The following SLC4A9 variants were observed in gnomAD, a reference collection of about 807,000 sequenced individuals.
SLC4A9 encodes solute carrier family 4 member 9.
Under a neutral mutation model 103.2 loss-of-function variants are expected in SLC4A9, and 102 were observed. The observed-to-expected ratio is 0.99, with a 90% confidence interval of 0.84 to 1.17. SLC4A9 has a LOEUF of 1.17. Among genes scored for constraint, SLC4A9 ranks in the 50% most tolerant of loss-of-function variants. The pLI is 0.00. For synonymous variants in SLC4A9, 453 were observed against 483.6 expected (o/e 0.94, Z 0.83); for missense variants, 1,091 against 1,193.7 (o/e 0.91, Z 1.27).
intron 16 of SLC4A9, 136 bp from the exon 17 acceptor site, chr5:140,368,447 ATCCC>A (rs1462633917): frequency 1.6e-6 from 1 of 617,460 alleles, no homozygotes; most frequent in Admixed American, 3.2e-5. Context: ...CTAAGGGCTC[ATCCC>A]TCTGGGTGAC....
chr5:140,371,533 G>A lies in SLC4A9; in HGVS notation c.2579G>A (p.Arg860Lys). The A allele has an allele frequency of 6.2e-7, 1 of 1,614,024 alleles. No individual in the cohort carries two copies. The highest frequency in any genetic ancestry group is 1.6e-4 in the Middle Eastern group (1 of 6,062). ...CTCTTGCGGCATGTGCCTCTGACCA[G>A]GGTCCACCTCTTCACAGCCATCCAG... ...LLLLRHVPLT[R>K]VHLFTAIQLA... The change falls in exon 19 of 22, where the codon AGG becomes AAG. Residue 860 changes from arginine to lysine, a missense_variant. Coordinates refer to ENST00000506757, the MANE Select transcript of SLC4A9 (RefSeq NM_031467.3).
chr5:140,365,328 G>T (rs1057349048), intron 11 of SLC4A9, among the ~76,000 whole-genome samples, 192 bp from the exon 12 acceptor site: 61 of 152,310 alleles, frequency 4.0e-4, no homozygotes, highest in African/African-American at 1.3e-3. Context: ...GATGCAGATG[G>T]GTAGAGAATT....
At chr5:140,360,689 A>T (rs1766933590) in intron 1 of SLC4A9, 123 bp from the exon 2 acceptor site, 2 of 1,468,060 alleles carry the variant, frequency 1.4e-6, no homozygotes, top group Non-Finnish European at 1.9e-6. Context: ...GGTGGGGGGG[A>T]GACTTCACAC....
chr5:140,367,562 G>A lies in SLC4A9; in HGVS notation c.2156G>A (p.Arg719His), dbSNP rs148727613. The change falls in exon 15 of 22, where the codon CGC becomes CAC. Residue 719 changes from arginine to histidine, a missense_variant. By Grantham distance (29) the Arg-to-His change is conservative (BLOSUM62 0). Coordinates refer to ENST00000506757, the MANE Select transcript of SLC4A9 (RefSeq NM_031467.3). ...CAGATCACAGCAGTCATCCTCAACCGCATGGAATACAGACTGCAGGTAAGG... is the reference window on the plus strand; with the variant it reads ...CAGATCACAGCAGTCATCCTCAACCACATGGAATACAGACTGCAGGTAAGG... ...DQQITAVILNRMEYRLQKGAG... is the reference protein window; with the variant it reads ...DQQITAVILNHMEYRLQKGAG... The A allele has an allele frequency of 4.3e-4, 693 of 1,602,962 alleles. 7 individuals are homozygous for A. In the African/African-American group the frequency reaches 7.4e-3, roughly 17 times the overall value.
In SLC4A9 at chr5:140,374,824, C is replaced by T. The variant is rs1474085989; in HGVS notation, c.*46-3C>T. 1 of 152,146 alleles carries T rather than the reference C, an allele frequency of 6.6e-6. No individual in the cohort carries two copies. The highest frequency in any genetic ancestry group is 2.4e-5 in the African/African-American group (1 of 41,422). 9.4% of individuals were successfully genotyped at this position (152,146 alleles called of 1,614,324 possible). ...CATTTTTGGCCTTTGGCTTAACTTC[C>T]AGATGCTCAGTCGGCTTGGGGAAGG... On this transcript the variant is annotated splice_region_variant and splice_polypyrimidine_tract_variant and intron_variant, in intron 21 of 21. Coordinates refer to ENST00000506757, the MANE Select transcript of SLC4A9 (RefSeq NM_031467.3).
At chr5:140,368,303 G>T (rs568684604) in intron 16 of SLC4A9, among the ~76,000 whole-genome samples, 1 of 152,306 alleles carries the variant, frequency 6.6e-6, no homozygotes, top group African/African-American at 2.4e-5. Context: ...AAGTCTTTAT[G>T]GCAGTGTAAA....
Position 140,361,003 on chromosome 5 carries a change from G to C in SLC4A9, c.391+31G>C, listed in dbSNP as rs1336151771. 9.9e-6 allele frequency: 15 copies of C among 1,521,096 alleles called. No homozygotes were observed. The South Asian group carries it at 1.6e-4, about 16-fold the overall frequency. The allele number at this position is 1,521,096 out of a possible 1,614,324, so 94.2% of individuals were successfully genotyped here. A position where few individuals can be genotyped will look rare whatever the true frequency, so the allele number is the denominator to read the frequency against. Reference sequence around the variant, plus strand: ...CTGGGATCCTTTGCAGGAAGGGCCTGGGTAGCCATGCCTTTTCCCCAGGAT... The same window carrying C: ...CTGGGATCCTTTGCAGGAAGGGCCTCGGTAGCCATGCCTTTTCCCCAGGAT... On this transcript the variant is annotated intron_variant, in intron 2 of 21. Transcript: ENST00000506757.
At chr5:140,370,809 A>G (rs757836747) in intron 17 of SLC4A9, 3 of 417,266 alleles carry the variant, frequency 7.2e-6, no homozygotes, top group Non-Finnish European at 1.3e-5. Context: ...AACAGAAGGA[A>G]ATGTGATAGA....
At position 140,367,805 on chromosome 5, in the gene SLC4A9, CA is replaced by C; in HGVS notation, c.2262del (p.Ala755ProfsTer35). On this transcript the variant is annotated frameshift_variant, in exon 16 of 22. Transcript: ENST00000506757. LOFTEE classifies it high-confidence loss of function. ...GCGCTTGGACTGCCTTGGTATGTCTCAGCCACTGTCATCTCCCTGGCTCACA... is the reference window on the plus strand; with the variant it reads ...GCGCTTGGACTGCCTTGGTATGTCTCGCCACTGTCATCTCCCTGGCTCACA... ...TSALGLPWYV[S>X]ATVISLAHMD... 6.2e-7 allele frequency: 1 copy of C among 1,613,992 alleles called. No individual in the cohort carries two copies. The highest frequency in any genetic ancestry group is 8.5e-7 in the Non-Finnish European group (1 of 1,179,896).
Position 140,360,930 on chromosome 5 carries a change from G to A in SLC4A9, c.349G>A (p.Val117Ile), listed in dbSNP as rs1209343375. 6.2e-7 allele frequency: 1 copy of A among 1,600,006 alleles called. No homozygotes were observed. The highest frequency in any genetic ancestry group is 8.5e-7 in the Non-Finnish European group (1 of 1,173,714). The change falls in exon 2 of 22, where the codon GTA (valine) becomes ATA (isoleucine). Residue 117 changes from valine to isoleucine, a missense_variant. Transcript: ENST00000506757. ...KLRSLLAEGLVLLDCPAQSLL... is the reference protein window; with the variant it reads ...KLRSLLAEGLILLDCPAQSLL... ...CCGCAGCCTGCTGGCCGAGGGCCTT[G>A]TACTGCTGGACTGCCCAGCTCAGAG...
chr5:140,372,419 C>T, intron 20 of SLC4A9, 22 bp downstream of exon 20: 1 of 1,604,410 alleles, frequency 6.2e-7, no homozygotes, highest in Non-Finnish European at 8.5e-7. Context: ...GCTGGGTCCT[C>T]TCAGGAGAAT....
intron 1 of SLC4A9, 120 bp from the exon 2 acceptor site, chr5:140,360,692 C>G: frequency 2.0e-6 from 3 of 1,502,544 alleles, no homozygotes; most frequent in South Asian, 1.3e-5. Flanking sequence ...GGGGGGGAGA[C>G]TTCACACCAC....
chr5:140,362,010 C>T lies in SLC4A9; in HGVS notation c.562-7C>T, dbSNP rs1178391159. The stretch of plus-strand genomic sequence containing the variant: ...CATATTCTGTGTCTCCTTGAACCCC[C>T]ATCCAGTGTCAGAACCCCCTGAGAC... On this transcript the variant is annotated splice_polypyrimidine_tract_variant and splice_region_variant and intron_variant, in intron 4 of 21. Transcript: ENST00000506757. The T allele has an allele frequency of 1.9e-6, 3 of 1,613,506 alleles. No homozygotes were observed. The highest frequency in any genetic ancestry group is 2.5e-6 in the Non-Finnish European group (3 of 1,179,732).
intron 21 of SLC4A9, among the ~76,000 whole-genome samples, chr5:140,373,202 G>C (rs1345349744): frequency 2.0e-5 from 3 of 152,176 alleles, no homozygotes; most frequent in African/African-American, 7.2e-5. Flanking sequence ...TTGCTTGGAA[G>C]GCTCCCCCCT....
Position 140,363,687 on chromosome 5 carries a change from G to A in SLC4A9, c.1080-41G>A, listed in dbSNP as rs745316228. The A allele has an allele frequency of 1.9e-6, 3 of 1,609,290 alleles. No homozygotes were observed. The highest frequency in any genetic ancestry group is 1.7e-6 in the Non-Finnish European group (2 of 1,177,392). On this transcript the variant is annotated intron_variant, in intron 8 of 21. Transcript: ENST00000506757. This position sits in a 1 kb window ranked among gnomAD's most constrained non-coding sequence, Gnocchi z 4.5. ...GGAAAGTAGCGGGGATGCGGGTGTG[G>A]AGTGTGAAAACCTGGATCACTGACG...
In SLC4A9 at chr5:140,363,026, C is replaced by T. The variant is rs748783267; in HGVS notation, c.922C>T (p.Arg308Trp). 5 of 1,613,098 alleles carry T rather than the reference C, an allele frequency of 3.1e-6. No individual in the cohort carries two copies. The highest frequency in any genetic ancestry group is 4.5e-5 in the East Asian group (2 of 44,868). ...LPPGRWDPTARIPPPKCLPSQ... is the reference protein window; with the variant it reads ...LPPGRWDPTAWIPPPKCLPSQ... ...CCCAGGTCGGTGGGACCCAACAGCC[C>T]GGATTCCCCCGCCCAAATGTCTGCC... The change falls in exon 7 of 22, where the codon CGG becomes TGG. Residue 308 changes from arginine (R) to tryptophan (W), a missense_variant. Physicochemically the swap from Arg to Trp is moderately radical, Grantham distance 101. Transcript: ENST00000506757. The surrounding 1 kb of genome is among the most constrained non-coding windows in gnomAD (Gnocchi z 4.5).
At chr5:140,361,657 C>A in intron 3 of SLC4A9, 151 bp from the exon 4 acceptor site, 1 of 831,482 alleles carries the variant, frequency 1.2e-6, no homozygotes, top group Non-Finnish European at 2.0e-6. Context: ...CACAATTATC[C>A]CCATTTTAGT....
rs202025062 is a variant in SLC4A9 at position 140,362,543 on chromosome 5, C to A, written c.807+11C>A. The A allele has an allele frequency of 6.2e-7, 1 of 1,613,028 alleles. No homozygotes were observed. The highest frequency in any genetic ancestry group is 1.3e-5 in the African/African-American group (1 of 74,890). ...CTCCTCAGTGACCCGGTGAGCTGAG[C>A]AGGTGTGTGTGTGTGCGCGCGCACG... On this transcript the variant is annotated intron_variant, in intron 6 of 21. Coordinates refer to ENST00000506757, the MANE Select transcript of SLC4A9 (RefSeq NM_031467.3).
rs746828919 is a variant in SLC4A9 at position 140,365,828 on chromosome 5, G to A, written c.1711-6G>A. 27 of 1,612,846 alleles carry A rather than the reference G, an allele frequency of 1.7e-5. No individual in the cohort carries two copies. Among genetic ancestry groups the A allele is most frequent in the Middle Eastern group, 1.7e-4 (1 of 6,052 alleles). ...ATAACTCCACTCCTGACCCTCCTGT[G>A]TACAGGACTTAGGCCTGATCAATGC... On this transcript the variant is annotated splice_region_variant and splice_polypyrimidine_tract_variant and intron_variant, in intron 12 of 21. Transcript: ENST00000506757.
Sources: allele counts gnomAD v4.1 joint callset (sites outside exome capture counted in the v4.1 genomes callset), GRCh38; gene constraint gnomAD v4.1.1; non-coding constraint Gnocchi (gnomAD v3.1); transcripts MANE v1.5; gene names NCBI Gene and HGNC (gene_info 2026-07-23, HGNC 2026-07-21).